The following USH2A variants were observed in gnomAD, a reference collection of about 807,000 sequenced individuals.
The protein encoded by USH2A is usherin.
In USH2A, 443 loss-of-function variants were observed where a neutral mutation model predicts 538.9. The observed-to-expected ratio is 0.82, with a 90% confidence interval of 0.76 to 0.89. The LOEUF is 0.89. USH2A is among the 40% of genes least tolerant of loss of function. The pLI, the probability that USH2A is intolerant of heterozygous loss-of-function variation, is 0.00. For missense variants in USH2A, 6,633 were observed against 6,324.8 expected (o/e 1.05, Z -1.65); for synonymous variants, 2,413 against 2,273.5 (o/e 1.06, Z -1.75).
chr1:216,287,162 G>A (rs1482444820), intron 11 of USH2A, among the ~76,000 whole-genome samples: 3 of 152,080 alleles, frequency 2.0e-5, no homozygotes, highest in East Asian at 1.9e-4. Context: ...GGCAACCAAT[G>A]TATTCTACTT....
At chr1:215,926,614 CTTTTTTT>C (rs10673615) in intron 38 of USH2A, among the ~76,000 whole-genome samples, 2 of 75,846 alleles carry the variant, frequency 2.6e-5, no homozygotes, top group African/African-American at 1.1e-4. Context: ...ACCTACCTAT[CTTTTTTT>C]TTTTTTTTTT....
At chr1:215,753,114 C>A (rs1571651076) in intron 58 of USH2A, among the ~76,000 whole-genome samples, 1 of 152,074 alleles carries the variant, frequency 6.6e-6, no homozygotes, top group Non-Finnish European at 1.5e-5. Context: ...CAATGAGATA[C>A]CATCTCACAC....
rs1044489972 is a variant in USH2A, at chr1:215,625,502, A to T, written c.*279T>A. The T allele has an allele frequency of 4.3e-6, 2 of 461,402 alleles. No homozygotes were observed. Among genetic ancestry groups the T allele is most frequent in the Non-Finnish European group, 7.9e-6 (2 of 252,162 alleles). The allele number at this position is 461,402 out of a possible 1,614,324, so 28.6% of individuals were successfully genotyped here. ...AGTTAACCAGGAGCATCACTGCCAA[A>T]CAGAACCAAGTGACAATTACATACT... is the stretch of plus-strand genomic sequence containing the variant. On this transcript the variant is annotated 3_prime_UTR_variant, in exon 72 of 72. Transcript: ENST00000307340.
At chr1:216,182,534 A>G in intron 20 of USH2A, among the ~76,000 whole-genome samples, 1 of 152,086 alleles carries the variant, frequency 6.6e-6, no homozygotes, top group Middle Eastern at 3.2e-3. Context: ...TACAAATTAA[A>G]GTTGGTGAGT....
intron 21 of USH2A, among the ~76,000 whole-genome samples, chr1:216,162,212 C>T (rs557751531): frequency 2.0e-5 from 3 of 151,950 alleles, no homozygotes; most frequent in South Asian, 4.1e-4. Context: ...TCTCGATATG[C>T]TTCAGTTTGG....
intron 4 of USH2A, among the ~76,000 whole-genome samples, chr1:216,344,515 T>C (rs2038136969): frequency 6.6e-6 from 1 of 152,100 alleles, no homozygotes; most frequent in Non-Finnish European, 1.5e-5. Flanking sequence ...TGTTTTAATG[T>C]ATCTCTTGGG....
chr1:216,231,874 G>A (rs2035702798), intron 14 of USH2A, 79 bp downstream of exon 14: 1 of 1,569,468 alleles, frequency 6.4e-7, no homozygotes, highest in Non-Finnish European at 8.8e-7. Flanking sequence ...TTTTACAGAA[G>A]TTATTGCTTT....
intron 32 of USH2A, among the ~76,000 whole-genome samples, chr1:216,039,451 G>A (rs577654083): frequency 1.3e-5 from 2 of 152,014 alleles, no homozygotes; most frequent in South Asian, 2.1e-4. Context: ...GGATGAGACC[G>A]TCATCTTACC....
chr1:215,696,911 C>A (rs140627243), intron 61 of USH2A, among the ~76,000 whole-genome samples: 1 of 151,978 alleles, frequency 6.6e-6, no homozygotes, highest in African/African-American at 2.4e-5. Context: ...TGAGAGGATG[C>A]CGTGGTCATA....
At chr1:216,255,231 T>A (rs2036237375) in intron 11 of USH2A, among the ~76,000 whole-genome samples, 1 of 152,158 alleles carries the variant, frequency 6.6e-6, no homozygotes, top group Non-Finnish European at 1.5e-5. Flanking sequence ...GAAATGATCA[T>A]CCCCATGAGA....
chr1:215,789,097 T>C (rs1158512808), intron 51 of USH2A, among the ~76,000 whole-genome samples: 3 of 152,142 alleles, frequency 2.0e-5, no homozygotes, highest in Non-Finnish European at 4.4e-5. Flanking sequence ...TGGTAGGTCT[T>C]CAGAAAACAA....
chr1:215,873,556 A>G (rs1462665666), intron 43 of USH2A, among the ~76,000 whole-genome samples: 2 of 152,188 alleles, frequency 1.3e-5, no homozygotes, highest in African/African-American at 4.8e-5. Flanking sequence ...CAGAAATGGC[A>G]TCCTCTTTTA....
chr1:215,758,847 T>C (rs1660892170), intron 57 of USH2A, 95 bp from the exon 58 acceptor site: 2 of 1,399,702 alleles, frequency 1.4e-6, no homozygotes, highest in Non-Finnish European at 1.0e-6. Flanking sequence ...TAGTCCTAAA[T>C]TTGTGACAAA....
chr1:215,643,065 G>A (rs934835982), intron 67 of USH2A, among the ~76,000 whole-genome samples: 15 of 151,918 alleles, frequency 9.9e-5, no homozygotes, highest in African/African-American at 3.6e-4. Flanking sequence ...GCGCTATCTC[G>A]GCTCACTGCA....
chr1:216,325,732 T>A, intron 5 of USH2A, 133 bp from the exon 6 acceptor site: 1 of 855,450 alleles, frequency 1.2e-6, no homozygotes, highest in Non-Finnish European at 1.7e-6. Flanking sequence ...ATTTGATGCA[T>A]GAAACATAAA....
chr1:216,238,376 A>C (rs2102532411), intron 13 of USH2A, among the ~76,000 whole-genome samples: 1 of 152,294 alleles, frequency 6.6e-6, no homozygotes, highest in Non-Finnish European at 1.5e-5. Flanking sequence ...CCTCTGATTA[A>C]GTGCCTACTG....
chr1:215,947,344 C>A (rs748957017), intron 37 of USH2A, among the ~76,000 whole-genome samples: 10 of 152,150 alleles, frequency 6.6e-5, no homozygotes, highest in African/African-American at 2.2e-4. Context: ...GCACCAAGCC[C>A]TACTAAATTA....
At chr1:216,398,813 C>T (rs1458955877) in intron 3 of USH2A, among the ~76,000 whole-genome samples, 1 of 152,190 alleles carries the variant, frequency 6.6e-6, no homozygotes, top group Non-Finnish European at 1.5e-5. Context: ...ATCTTCCATT[C>T]TCCACTTGTT....
intron 47 of USH2A, among the ~76,000 whole-genome samples, chr1:215,822,809 G>A (rs1663048301): frequency 6.6e-6 from 1 of 151,668 alleles, no homozygotes; most frequent in Non-Finnish European, 1.5e-5. Context: ...GTTTCTTGAG[G>A]GACTTTATAA....
Sources: allele counts gnomAD v4.1 joint callset (sites outside exome capture counted in the v4.1 genomes callset), GRCh38; gene constraint gnomAD v4.1.1; transcripts MANE v1.5; gene names NCBI Gene and HGNC (gene_info 2026-07-23, HGNC 2026-07-21).